Variants in TOP6BL observed in about 807,000 individuals in gnomAD.
TOP6BL encodes the protein TOP6B like initiator of meiotic double strand breaks.
At chr11:66,770,556 T>C in the TOP6BL span, among the ~76,000 whole-genome samples, 82 of 151,990 alleles carry the variant, frequency 5.4e-4, 1 homozygote, top group African/African-American at 1.9e-3. Context: ...ATACAAAAAT[T>C]AGCTAGGCGT....
chr11:66,803,091 A>T, the TOP6BL span, among the ~76,000 whole-genome samples: 4 of 152,092 alleles, frequency 2.6e-5, no homozygotes, highest in South Asian at 6.2e-4. Context: ...GTTTTTTCTC[A>T]TTGTTACTAT....
the TOP6BL span, among the ~76,000 whole-genome samples, chr11:66,820,469 C>T: frequency 6.6e-6 from 1 of 152,150 alleles, no homozygotes; most frequent in East Asian, 1.9e-4. Context: ...TAAATGGTGG[C>T]CTATTGTTTG....
chr11:66,793,821 T>TA, the TOP6BL span, among the ~76,000 whole-genome samples: 1 of 152,008 alleles, frequency 6.6e-6, no homozygotes, highest in Non-Finnish European at 1.5e-5. Flanking sequence ...TAAAAAACAT[T>TA]AAAAGGCCAG....
chr11:66,784,099 C>T, the TOP6BL span, among the ~76,000 whole-genome samples: 32 of 152,136 alleles, frequency 2.1e-4, no homozygotes, highest in African/African-American at 7.2e-4. Context: ...GGCGCGATCT[C>T]GGCTCACTGC....
At chr11:66,787,354 T>A in the TOP6BL span, among the ~76,000 whole-genome samples, 1 of 152,066 alleles carries the variant, frequency 6.6e-6, no homozygotes, top group Non-Finnish European at 1.5e-5. Flanking sequence ...CATATTTTTT[T>A]AATCATCGTT....
chr11:66,759,041 A>G, the TOP6BL span: 3 of 1,560,220 alleles, frequency 1.9e-6, no homozygotes, highest in Non-Finnish European at 2.6e-6. Context: ...TGTTTCTTAC[A>G]GTTGCTTCTG....
the TOP6BL span, among the ~76,000 whole-genome samples, chr11:66,769,481 A>G: frequency 6.6e-6 from 1 of 151,710 alleles, no homozygotes; most frequent in Non-Finnish European, 1.5e-5. Context: ...GAAGGTCTCT[A>G]GTTCCAAAAC....
At chr11:66,766,202 T>C in the TOP6BL span, among the ~76,000 whole-genome samples, 2 of 152,220 alleles carry the variant, frequency 1.3e-5, no homozygotes, top group East Asian at 1.9e-4. Context: ...GACCCTTCTT[T>C]AGGGGAGCTG....
At chr11:66,772,507 G>T in the TOP6BL span, among the ~76,000 whole-genome samples, 6 of 152,158 alleles carry the variant, frequency 3.9e-5, no homozygotes, top group African/African-American at 1.4e-4. Flanking sequence ...CGTGGCTCAT[G>T]CCTGTAATCT....
At chr11:66,771,146 A>T in the TOP6BL span, 2 of 149,096 alleles carry the variant, frequency 1.3e-5, no homozygotes, top group African/African-American at 4.9e-5. Flanking sequence ...TCCAAATGGC[A>T]CTTCTTCTGG....
chr11:66,799,519 C>G, the TOP6BL span, among the ~76,000 whole-genome samples: 1 of 150,568 alleles, frequency 6.6e-6, no homozygotes, highest in Non-Finnish European at 1.5e-5. Context: ...CAAGACCAGC[C>G]TGGCCAACAT....
chr11:66,768,542 A>G, the TOP6BL span, among the ~76,000 whole-genome samples: 1 of 152,144 alleles, frequency 6.6e-6, no homozygotes. Context: ...GTGAGAGACT[A>G]CACTTAATTT....
At chr11:66,786,944 T>G in the TOP6BL span, among the ~76,000 whole-genome samples, 3 of 152,126 alleles carry the variant, frequency 2.0e-5, no homozygotes, top group South Asian at 4.2e-4. Context: ...TTTGTTTTTT[T>G]TTTTTTGAGA....
chr11:66,822,657 T>G, the TOP6BL span: 3 of 1,548,544 alleles, frequency 1.9e-6, no homozygotes, highest in African/African-American at 4.1e-5. Flanking sequence ...CCGAAAGATG[T>G]GTCTCCAGAC....
the TOP6BL span, among the ~76,000 whole-genome samples, chr11:66,752,142 CT>C: frequency 0.014 from 1,972 of 137,794 alleles, 34 homozygotes; most frequent in African/African-American, 0.039. Flanking sequence ...CCCTCTCTCT[CT>C]TTTTTTTTTT....
the TOP6BL span, among the ~76,000 whole-genome samples, chr11:66,817,588 G>A: frequency 6.6e-6 from 1 of 152,140 alleles, no homozygotes; most frequent in South Asian, 2.1e-4. Context: ...ACAGGCACAC[G>A]CCACCACACC....
the TOP6BL span, among the ~76,000 whole-genome samples, chr11:66,812,683 T>G: frequency 6.6e-6 from 1 of 152,174 alleles, no homozygotes; most frequent in Non-Finnish European, 1.5e-5. Flanking sequence ...GAATGAAAGA[T>G]AAAGGAAAGC....
chr11:66,819,643 T>G, the TOP6BL span, among the ~76,000 whole-genome samples: 1 of 151,888 alleles, frequency 6.6e-6, no homozygotes, highest in African/African-American at 2.4e-5. Flanking sequence ...CCCTCACACC[T>G]GTAATCCCAG....
At chr11:66,795,302 C>CT in the TOP6BL span, among the ~76,000 whole-genome samples, 279 of 136,652 alleles carry the variant, frequency 2.0e-3, no homozygotes, top group Non-Finnish European at 2.2e-3. Flanking sequence ...TTCTTTCCTT[C>CT]TTTTTTTTTT....
Sources: allele counts gnomAD v4.1 joint callset (sites outside exome capture counted in the v4.1 genomes callset), GRCh38; gene constraint gnomAD v4.1.1; transcripts MANE v1.5; gene names NCBI Gene and HGNC (gene_info 2026-07-23, HGNC 2026-07-21).